Variants in IL3RA observed in about 807,000 individuals in gnomAD.
IL3RA encodes the protein interleukin 3 receptor subunit alpha.
Under a neutral mutation model 52.3 loss-of-function variants are expected in IL3RA, and 73 were observed. That is an observed-to-expected ratio of 1.40 (90% CI 1.16 to 1.70). The LOEUF (loss-of-function observed/expected upper bound fraction) is 1.70. Among genes scored for constraint, IL3RA ranks in the 40% most tolerant of loss-of-function variants. The pLI is 0.00. For missense variants in IL3RA, 664 were observed against 504.4 expected, an observed-to-expected ratio of 1.32 and a Z score of -3.03; for synonymous variants, 260 against 194.0, an observed-to-expected ratio of 1.34 and a Z score of -2.83.
chrX:1,354,023 C>G (rs2086406600), intron 6 of IL3RA, among the ~76,000 whole-genome samples: 1 of 142,830 alleles, frequency 7.0e-6, no homozygotes, highest in Non-Finnish European at 1.5e-5. Context: ...CATGGAATCC[C>G]TCATCATGGG....
chrX:1,365,494 G>C (rs1382461974), intron 9 of IL3RA, among the ~76,000 whole-genome samples: 2 of 52,164 alleles, frequency 3.8e-5, no homozygotes, highest in African/African-American at 3.4e-4. Flanking sequence ...CGGGTGCGCG[G>C]GGTGAGCCGG....
chrX:1,349,332 C>T (rs1348949371), intron 4 of IL3RA, among the ~76,000 whole-genome samples: 3 of 151,816 alleles, frequency 2.0e-5, no homozygotes, highest in African/African-American at 7.3e-5. Flanking sequence ...TAGGCGCCCA[C>T]CGCCACGCCC....
In IL3RA at chrX:1,343,462, C is replaced by G. The variant is rs1403000569; in HGVS notation, c.64+1633C>G. Among the ~76,000 whole-genome samples the G allele has an allele frequency of 1.3e-4, 20 of 151,440 alleles. 1 individual carries two copies. Among genetic ancestry groups the G allele is most frequent in the Admixed American group, 4.0e-4 (6 of 15,162 alleles). On this transcript the variant is annotated intron_variant, in intron 2 of 11. Coordinates refer to ENST00000331035, the MANE Select transcript of IL3RA (RefSeq NM_002183.4). The stretch of plus-strand genomic sequence containing the variant: ...GGTGGATCACTTGAGGTCAGGAGTT[C>G]AAAACCAGCTTGGCCATCATGGTGA...
intron 2 of IL3RA, among the ~76,000 whole-genome samples, chrX:1,344,785 A>C (rs1433579637): frequency 6.6e-6 from 1 of 151,666 alleles, no homozygotes; most frequent in Non-Finnish European, 1.5e-5. Context: ...AAAAAATAAA[A>C]AATTTAAAAA....
chrX:1,352,554 C>A, intron 6 of IL3RA, 48 bp downstream of exon 6: 2 of 1,576,032 alleles, frequency 1.3e-6, no homozygotes, highest in Admixed American at 1.8e-5. Flanking sequence ...TGTGATACCA[C>A]GGCTTTAGCG....
chrX:1,354,599 GGGA>G (rs1433325781), intron 6 of IL3RA, among the ~76,000 whole-genome samples: 8 of 119,866 alleles, frequency 6.7e-5, no homozygotes, highest in South Asian at 3.2e-4. Flanking sequence ...AAAGAGGAGG[GGGA>G]GGAGGAGGAG....
In IL3RA at chrX:1,381,349, G is replaced by A. The variant is rs188439971; in HGVS notation, c.1062+245G>A. ...GGAGGTGGAGGCTGCAGTGAACTAC[G>A]ATCGAGCCACTGCACTCCATCTGGG... On this transcript the variant is annotated intron_variant, in intron 11 of 11. Transcript: ENST00000331035. Among the ~76,000 whole-genome samples, 325 of 152,164 alleles carry A rather than the reference G, an allele frequency of 2.1e-3. 2 individuals carry two copies. The highest frequency in any genetic ancestry group is 7.4e-3 in the African/African-American group (309 of 41,524).
chrX:1,366,056 G>A (rs1179093776), intron 9 of IL3RA, among the ~76,000 whole-genome samples: 1 of 33,740 alleles, frequency 3.0e-5, no homozygotes, highest in Non-Finnish European at 4.9e-5. Flanking sequence ...CCGGGTGCGC[G>A]GGGTGAGCGG....
At chrX:1,348,014 G>A (rs1193040288) in intron 3 of IL3RA, among the ~76,000 whole-genome samples, 4 of 136,812 alleles carry the variant, frequency 2.9e-5, no homozygotes, top group East Asian at 2.1e-4. Context: ...TCCAGCCTGG[G>A]CGACAGAGCG....
chrX:1,377,893 A>G (rs1450077969), intron 9 of IL3RA, among the ~76,000 whole-genome samples: 1 of 150,892 alleles, frequency 6.6e-6, no homozygotes, highest in Admixed American at 6.6e-5. Flanking sequence ...AAAAGAAAAA[A>G]GAAAAAAAAT....
chrX:1,359,773 A>G (rs1288843688), intron 8 of IL3RA, among the ~76,000 whole-genome samples: 1 of 55,234 alleles, frequency 1.8e-5, no homozygotes, highest in Non-Finnish European at 3.8e-5. Context: ...TCCCTCTCTC[A>G]TTCTCCCTCC....
intron 7 of IL3RA, among the ~76,000 whole-genome samples, chrX:1,358,495 T>C (rs1305925353): frequency 1.3e-5 from 2 of 151,936 alleles, no homozygotes; most frequent in Non-Finnish European, 2.9e-5. Flanking sequence ...TTGTTTCCAC[T>C]AAAAATACAA....
intron 8 of IL3RA, among the ~76,000 whole-genome samples, chrX:1,360,530 C>G (rs1300221252): frequency 6.6e-6 from 1 of 151,664 alleles, no homozygotes; most frequent in Non-Finnish European, 1.5e-5. Context: ...CTTCATCTTT[C>G]TTTTTGAAAC....
chrX:1,353,293 C>T (rs28475373), intron 6 of IL3RA, among the ~76,000 whole-genome samples: 352 of 17,484 alleles, frequency 0.02, no homozygotes, highest in South Asian at 0.044. Flanking sequence ...GGTCATGGGA[C>T]CCCCTATCAT....
intron 10 of IL3RA, 34 bp downstream of exon 10, chrX:1,378,798 G>A (rs747558434): frequency 1.3e-6 from 2 of 1,554,410 alleles, no homozygotes; most frequent in East Asian, 2.2e-5. Context: ...AGCGTCGCTT[G>A]TTTCCAGTGT....
intron 11 of IL3RA, among the ~76,000 whole-genome samples, chrX:1,381,380 A>G (rs2089169545): frequency 6.6e-6 from 1 of 152,030 alleles, no homozygotes; most frequent in South Asian, 2.1e-4. Context: ...CTGGGCGACA[A>G]GAGTGAAATG....
At chrX:1,380,076 TAG>T (rs2089069607) in intron 10 of IL3RA, among the ~76,000 whole-genome samples, 1 of 151,442 alleles carries the variant, frequency 6.6e-6, no homozygotes, top group Non-Finnish European at 1.5e-5. Context: ...GTATTTTCAG[TAG>T]AGACGGAGTT....
At chrX:1,382,144 T>C (rs1343406826) in intron 11 of IL3RA, among the ~76,000 whole-genome samples, 1 of 149,808 alleles carries the variant, frequency 6.7e-6, no homozygotes, top group African/African-American at 2.5e-5. Context: ...AGAGAAGGGG[T>C]TTCACCATGT....
chrX:1,354,663 A>G, intron 6 of IL3RA, among the ~76,000 whole-genome samples: 1 of 63,772 alleles, frequency 1.6e-5, no homozygotes, highest in Non-Finnish European at 2.9e-5. Flanking sequence ...TGGGGAGGGG[A>G]GGAAGAGGAG....
Sources: gnomAD v4.1 joint callset for allele counts (sites outside exome capture counted in the v4.1 genomes callset) on GRCh38, gnomAD v4.1.1 for gene constraint, MANE v1.5 for transcripts, NCBI Gene and HGNC (gene_info 2026-07-23, HGNC 2026-07-21) for gene names.